Variants in VIRMA observed in about 807,000 individuals in gnomAD.
VIRMA encodes the protein protein virilizer homolog.
A neutral mutation model predicts 182.4 loss-of-function variants in VIRMA; 65 were observed. The ratio of observed to expected loss-of-function variants is 0.36; its 90% CI spans 0.29 to 0.44. VIRMA has a LOEUF of 0.44. VIRMA is among the 20% of genes least tolerant of loss of function. The probability of loss-of-function intolerance (pLI) is 1.00; values close to 1 mark genes in which losing one functional copy is unlikely to be tolerated. For missense variants in VIRMA, 1,752 were observed against 2,158.1 expected (o/e 0.81, Z 3.73); for synonymous variants, 709 against 743.1 (o/e 0.95, Z 0.75).
At position 94,504,785 on chromosome 8, in the gene VIRMA, A is replaced by G. The variant is rs556247617; in HGVS notation, c.4097+1715T>C. Among the ~76,000 whole-genome samples the G allele has an allele frequency of 3.2e-4, 48 of 152,324 alleles. 1 individual carries two copies. The South Asian group carries it at 9.3e-3, about 30-fold the overall frequency. On this transcript the variant is annotated intron_variant, in intron 16 of 23. Coordinates refer to ENST00000297591, the MANE Select transcript of VIRMA (RefSeq NM_015496.5). ...AATCCACAGGACTTAATGAGATGCC[A>G]TTAGATAGTCAAGTAGAAATGTCAA...
In VIRMA at chr8:94,489,825, G is replaced by A. The variant is rs1023237462; in HGVS notation, c.5284+114C>T. The A allele has an allele frequency of 4.4e-6, 5 of 1,144,428 alleles. No homozygotes were observed. The African/African-American group carries it at 6.2e-5, about 14-fold the overall frequency. 70.9% of individuals were successfully genotyped at this position (1,144,428 alleles called of 1,614,324 possible). ...ATACTTAGATTTTTGACTGTGTGGA[G>A]CAAGGAGATGGGGAGATTAGCACCC... On this transcript the variant is annotated intron_variant, in intron 23 of 23. Transcript: ENST00000297591.
chr8:94,509,596 C>T (rs1196358170), intron 15 of VIRMA, 92 bp downstream of exon 15: 2 of 1,361,998 alleles, frequency 1.5e-6, no homozygotes, highest in African/African-American at 1.5e-5. Flanking sequence ...TGTTCATTCA[C>T]AGCCAAAATT....
chr8:94,539,835 G>A (rs1331208457), intron 2 of VIRMA, among the ~76,000 whole-genome samples: 1 of 152,258 alleles, frequency 6.6e-6, no homozygotes, highest in East Asian at 1.9e-4. Flanking sequence ...TGTTATCTGG[G>A]GAGTGGATTA....
At chr8:94,497,376 T>A (rs1485789599) in intron 17 of VIRMA, 1 of 152,362 alleles carries the variant, frequency 6.6e-6, no homozygotes, top group African/African-American at 2.4e-5. Flanking sequence ...ATGCTGAGAT[T>A]ACAAGTGTGA....
chr8:94,489,440 C>T (rs1025375355), intron 23 of VIRMA, among the ~76,000 whole-genome samples: 1 of 152,164 alleles, frequency 6.6e-6, no homozygotes, highest in Non-Finnish European at 1.5e-5. Context: ...ATATTCTCTT[C>T]CAGAATGAGA....
In VIRMA at chr8:94,538,359, C is replaced by A; in HGVS notation, c.180-13G>T. The A allele has an allele frequency of 6.5e-7, 1 of 1,537,962 alleles. No individual in the cohort carries two copies. Among genetic ancestry groups the A allele is most frequent in the East Asian group, 2.3e-5 (1 of 44,396 alleles). On this transcript the variant is annotated splice_polypyrimidine_tract_variant and intron_variant, in intron 2 of 23. Coordinates refer to ENST00000297591, the MANE Select transcript of VIRMA (RefSeq NM_015496.5). ...GGGAGATGTCTCTCTGTAAATGAAACAAAGTTGAAACATCAGCCTTTGTAA... is the reference window on the plus strand; with the variant it reads ...GGGAGATGTCTCTCTGTAAATGAAAAAAAGTTGAAACATCAGCCTTTGTAA...
chr8:94,547,200 CAT>C (rs1815801677), intron 1 of VIRMA: 1 of 247,434 alleles, frequency 4.0e-6, no homozygotes, highest in Non-Finnish European at 8.1e-6. Flanking sequence ...TAGTGCCTAG[CAT>C]ATTCATTTAA....
chr8:94,510,282 T>C (rs918081479), intron 14 of VIRMA, 135 bp downstream of exon 14: 9 of 640,312 alleles, frequency 1.4e-5, no homozygotes, highest in Admixed American at 8.5e-5. Flanking sequence ...TGTGTGCATA[T>C]GTAGGTATAT....
In VIRMA at chr8:94,488,626, C is replaced by A; in HGVS notation, c.*80G>T. On this transcript the variant is annotated 3_prime_UTR_variant, in exon 24 of 24. Transcript: ENST00000297591. ...AGATGTCTCCAGATAACTGCTAAGT[C>A]TAAATTGGTCCTTCAATGTCTTATT... The A allele has an allele frequency of 6.5e-6, 9 of 1,381,708 alleles. No individual in the cohort carries two copies. Among genetic ancestry groups the A allele is most frequent in the Non-Finnish European group, 9.0e-6 (9 of 998,468 alleles). 85.6% of individuals were successfully genotyped at this position (1,381,708 alleles called of 1,614,324 possible).
intron 7 of VIRMA, among the ~76,000 whole-genome samples, chr8:94,528,660 A>T (rs1469682413): frequency 1.3e-5 from 2 of 152,232 alleles, no homozygotes; most frequent in African/African-American, 2.4e-5. Flanking sequence ...CATTTGCTAA[A>T]ATATCTAGGT....
intron 11 of VIRMA, among the ~76,000 whole-genome samples, chr8:94,513,178 A>T (rs1416076495): frequency 1.3e-5 from 2 of 152,126 alleles, no homozygotes; most frequent in Non-Finnish European, 2.9e-5. Context: ...TCTCTACTAA[A>T]AATACAAAAA....
At chr8:94,514,730 C>G in intron 11 of VIRMA, 139 bp downstream of exon 11, 1 of 534,124 alleles carries the variant, frequency 1.9e-6, no homozygotes, top group Non-Finnish European at 3.4e-6. Context: ...ATATACCAAC[C>G]TGTACCTACA....
At chr8:94,519,503 C>A in intron 8 of VIRMA, 27 bp from the exon 9 acceptor site, 1 of 1,515,646 alleles carries the variant, frequency 6.6e-7, no homozygotes, top group South Asian at 1.4e-5. Context: ...TGATACATGT[C>A]AAGTCAGTGC....
intron 8 of VIRMA, among the ~76,000 whole-genome samples, chr8:94,524,339 CTG>C (rs1189063034): frequency 6.7e-6 from 1 of 150,218 alleles, no homozygotes; most frequent in Non-Finnish European, 1.5e-5. Flanking sequence ...GAGTCTCACT[CTG>C]TAGCCCAGGC....
At position 94,506,511 on chromosome 8, in the gene VIRMA, A is replaced by G; in HGVS notation, c.4086T>C (p.Phe1362=). ...MFLAEHDYGL[F]HLKSSLRKNS... Reference sequence around the variant, plus strand: ...AGACAAATCATTACCTTTTTAAATGAAATAATCCATAATCATGCTCTGCAA... The same window carrying G: ...AGACAAATCATTACCTTTTTAAATGGAATAATCCATAATCATGCTCTGCAA... The change falls in exon 16 of 24, where the codon TTT becomes TTC. Residue 1362 remains phenylalanine, a synonymous_variant. Coordinates refer to ENST00000297591, the MANE Select transcript of VIRMA (RefSeq NM_015496.5). 1 of 1,601,082 alleles carries G rather than the reference A, an allele frequency of 6.2e-7. No individual in the cohort carries two copies.
chr8:94,529,395 A>G, intron 6 of VIRMA, 53 bp from the exon 7 acceptor site: 3 of 1,041,316 alleles, frequency 2.9e-6, no homozygotes, highest in Non-Finnish European at 4.4e-6. Flanking sequence ...AAATGACAAA[A>G]GGCAGCAAGA....
chr8:94,541,010 T>C (rs1190445629), intron 2 of VIRMA, among the ~76,000 whole-genome samples: 1 of 151,938 alleles, frequency 6.6e-6, no homozygotes, highest in African/African-American at 2.4e-5. Flanking sequence ...AATACATATA[T>C]AAGCACACAT....
chr8:94,503,380 C>T (rs1421164350), intron 16 of VIRMA, among the ~76,000 whole-genome samples: 1 of 152,168 alleles, frequency 6.6e-6, no homozygotes, highest in African/African-American at 2.4e-5. Flanking sequence ...TTATATGATG[C>T]ACTGAAAAAG....
chr8:94,519,283 A>G lies in VIRMA; in HGVS notation c.2215T>C (p.Tyr739His). ...NLLIRALCHF[Y>H]DQDEEEGLQS... ...AGACCTTCCTCCTCATCTTGATCAT[A>G]AAAGTGACACAGAGCTCGGATCAAT... is the stretch of plus-strand genomic sequence containing the variant. The change falls in exon 9 of 24, where the codon TAT becomes CAT. Residue 739 changes from tyrosine (Y) to histidine (H), a missense_variant. Physicochemically the swap from Tyr to His is moderately conservative, Grantham distance 83. This residue lies in a region of VIRMA where 45 missense variants were observed against 91.0 expected (regional missense o/e 0.49). Transcript: ENST00000297591. 1 of 1,614,084 alleles carries G rather than the reference A, an allele frequency of 6.2e-7. No individual in the cohort carries two copies.
Sources: allele counts gnomAD v4.1 joint callset (sites outside exome capture counted in the v4.1 genomes callset), GRCh38; gene constraint gnomAD v4.1.1; regional missense constraint gnomAD v4.1.1; transcripts MANE v1.5; gene names NCBI Gene and HGNC (gene_info 2026-07-23, HGNC 2026-07-21).